EPN2: variants seen among roughly 807,000 people sequenced by gnomAD.
The protein encoded by EPN2 is epsin-2.
Under a neutral mutation model 61.7 loss-of-function variants are expected in EPN2, and 34 were observed. The ratio of observed to expected loss-of-function variants is 0.55; its 90% CI spans 0.42 to 0.73. EPN2 has a LOEUF of 0.73. Ranked by LOEUF, EPN2 falls within the 30% of genes least tolerant of loss-of-function variation. EPN2 has a pLI of 0.00. For missense variants in EPN2, 714 were observed against 839.2 expected, an observed-to-expected ratio of 0.85 and a Z score of 1.84; for synonymous variants, 349 against 353.6, an observed-to-expected ratio of 0.99 and a Z score of 0.15.
intron 1 of EPN2, among the ~76,000 whole-genome samples, chr17:19,257,550 T>C (rs1321792981): frequency 6.6e-6 from 1 of 151,194 alleles, no homozygotes; most frequent in Non-Finnish European, 1.5e-5. Flanking sequence ...CACGGGGTCT[T>C]GCTGTCACCC....
chr17:19,326,422 C>G (rs1398297541), intron 7 of EPN2, among the ~76,000 whole-genome samples: 1 of 152,128 alleles, frequency 6.6e-6, no homozygotes, highest in African/African-American at 2.4e-5. Flanking sequence ...CGTGGTGGCT[C>G]ACGCCTGTAA....
In EPN2 at chr17:19,259,308, C is replaced by CTTT. The variant is rs776768357; in HGVS notation, c.-294+21797_-294+21799dup. ...ATCTGGCATCTTTTGAGTGTTGGGT[C>CTTT]TTTTTTTTTTTTTTTTTTTTTTGAG... On this transcript the variant is annotated intron_variant, in intron 1 of 10. Coordinates refer to ENST00000314728, the MANE Select transcript of EPN2 (RefSeq NM_014964.5). Among the ~76,000 whole-genome samples the CTTT allele has an allele frequency of 5.1e-3, 490 of 96,134 alleles. 8 individuals carry two copies. The highest frequency in any genetic ancestry group is 0.014 in the African/African-American group (305 of 21,674). The allele number at this position is 96,134 out of a possible 152,430, so 63.1% of individuals were successfully genotyped here.
At chr17:19,270,752 C>T (rs1048495518) in intron 1 of EPN2, among the ~76,000 whole-genome samples, 3 of 152,220 alleles carry the variant, frequency 2.0e-5, no homozygotes, top group Non-Finnish European at 2.9e-5. Flanking sequence ...CATATTTCAG[C>T]CCTAGGCTGC....
At position 19,285,663 on chromosome 17, in the gene EPN2, G is replaced by A. The variant is rs369670723; in HGVS notation, c.639G>A (p.Pro213=). The A allele has an allele frequency of 1.3e-6, 2 of 1,571,166 alleles. No individual in the cohort carries two copies. The highest frequency in any genetic ancestry group is 1.7e-6 in the Non-Finnish European group (2 of 1,159,308). ...GCCCCCAGCACCGCACAGGGGCCCCGCTGGGTCAGAGTGAGGAGCTGCAGC... is the reference window on the plus strand; with the variant it reads ...GCCCCCAGCACCGCACAGGGGCCCCACTGGGTCAGAGTGAGGAGCTGCAGC... ...SLCPQHRTGA[P]LGQSEELQPL... is the part of the protein sequence containing the mutation. The change falls in exon 4 of 11, where the codon CCG becomes CCA. Residue 213 remains proline, a synonymous_variant. Transcript: ENST00000314728. This position sits in a 1 kb window ranked among gnomAD's most constrained non-coding sequence, Gnocchi z 4.5.
At chr17:19,322,302 G>C (rs1906675817) in intron 7 of EPN2, among the ~76,000 whole-genome samples, 1 of 152,212 alleles carries the variant, frequency 6.6e-6, no homozygotes, top group Admixed American at 6.5e-5. Flanking sequence ...AAAGCTTGCA[G>C]ATTGACATCT....
At chr17:19,289,424 T>G (rs2045438285) in intron 4 of EPN2, among the ~76,000 whole-genome samples, 1 of 151,962 alleles carries the variant, frequency 6.6e-6, no homozygotes, top group Admixed American at 6.6e-5. Context: ...CAGACCTTGC[T>G]AGAGGACTGG....
chr17:19,335,586 T>G lies in EPN2; in HGVS notation c.*1332T>G. On this transcript the variant is annotated 3_prime_UTR_variant, in exon 11 of 11. Transcript: ENST00000314728. ...TGGGGGGTGCTTCTGTGCCCACGGG[T>G]CCCTGGGCAACAGTCCCTAGGCTAA... is the stretch of plus-strand genomic sequence containing the variant. 2.8e-5 allele frequency: 25 copies of G among 905,096 alleles called. No homozygotes were observed. Among genetic ancestry groups the G allele is most frequent in the African/African-American group, 5.1e-5 (3 of 59,220 alleles). The allele number at this position is 905,096 out of a possible 1,614,324, so 56.1% of individuals were successfully genotyped here.
chr17:19,266,425 C>T (rs1329701198), intron 1 of EPN2, among the ~76,000 whole-genome samples: 39 of 148,866 alleles, frequency 2.6e-4, no homozygotes, highest in African/African-American at 9.2e-4. Flanking sequence ...TTTTTTGAGA[C>T]GGAGTCTCGC....
At chr17:19,329,215 C>G (rs953927744) in intron 8 of EPN2, 16 of 428,210 alleles carry the variant, frequency 3.7e-5, no homozygotes, top group African/African-American at 3.0e-4. Flanking sequence ...CCAGGCACTC[C>G]TTCTGGTGAC....
rs542958262 is a variant in EPN2 at position 19,335,232 on chromosome 17, A to G, written c.*978A>G. On this transcript the variant is annotated 3_prime_UTR_variant, in exon 11 of 11. Transcript: ENST00000314728. Reference sequence around the variant, plus strand: ...CCTCCAGTTGCCTTTTCCTTTCTTTAGCTCCTGTTTTTGGTGAATTACTAA... The same window carrying G: ...CCTCCAGTTGCCTTTTCCTTTCTTTGGCTCCTGTTTTTGGTGAATTACTAA... The G allele has an allele frequency of 7.8e-6, 4 of 514,018 alleles. No individual in the cohort carries two copies. Among genetic ancestry groups the G allele is most frequent in the African/African-American group, 5.8e-5 (3 of 51,488 alleles). The allele number at this position is 514,018 out of a possible 1,614,324, so 31.8% of individuals were successfully genotyped here.
intron 1 of EPN2, among the ~76,000 whole-genome samples, chr17:19,259,572 A>G (rs910971868): frequency 6.6e-6 from 1 of 152,110 alleles, no homozygotes; most frequent in African/African-American, 2.4e-5. Context: ...TCGGCCTCCC[A>G]AAGTGCTGGG....
chr17:19,315,755 G>A (rs1391968041), intron 7 of EPN2, among the ~76,000 whole-genome samples: 2 of 152,174 alleles, frequency 1.3e-5, no homozygotes, highest in East Asian at 1.9e-4. Flanking sequence ...AAAGTGTTGG[G>A]ATTACAGGCA....
rs78135822 is a variant in EPN2, at chr17:19,313,007, A to G, written c.973-98A>G. On this transcript the variant is annotated intron_variant, in intron 6 of 10. Transcript: ENST00000314728. ...AGCCCCTCCTAGAGGGCTTCACTGGAGGAAGAGGCACAGGTGGGTGATATT... is the reference window on the plus strand; with the variant it reads ...AGCCCCTCCTAGAGGGCTTCACTGGGGGAAGAGGCACAGGTGGGTGATATT... 2.2e-4 allele frequency: 282 copies of G among 1,310,260 alleles called. 2 individuals carry two copies. In the East Asian group the frequency reaches 6.5e-3, roughly 30 times the overall value. The allele number at this position is 1,310,260 out of a possible 1,614,324, so 81.2% of individuals were successfully genotyped here. A position where few individuals can be genotyped will look rare whatever the true frequency, so the allele number is the denominator to read the frequency against.
rs982050528 is a variant in EPN2 at position 19,279,228 on chromosome 17, C to T, written c.-293-2727C>T. Among the ~76,000 whole-genome samples, 7 of 152,088 alleles carry T rather than the reference C, an allele frequency of 4.6e-5. No homozygotes were observed. In the East Asian group the frequency reaches 9.6e-4, roughly 21 times the overall value. Reference sequence around the variant, plus strand: ...TCCCAGCTTATGTCTGGGAGGGCAGCGGCACCTTGGCCCTTGCTCACAGGA... The same window carrying T: ...TCCCAGCTTATGTCTGGGAGGGCAGTGGCACCTTGGCCCTTGCTCACAGGA... On this transcript the variant is annotated intron_variant, in intron 1 of 10. Coordinates refer to ENST00000314728, the MANE Select transcript of EPN2 (RefSeq NM_014964.5).
At chr17:19,321,822 C>A (rs1238273750) in intron 7 of EPN2, among the ~76,000 whole-genome samples, 1 of 152,134 alleles carries the variant, frequency 6.6e-6, no homozygotes, top group East Asian at 1.9e-4. Flanking sequence ...CCAGGTCTCC[C>A]GTGTCCTCTG....
At chr17:19,328,541 G>A (rs536048948) in intron 7 of EPN2, among the ~76,000 whole-genome samples, 170 bp from the exon 8 acceptor site, 2 of 152,194 alleles carry the variant, frequency 1.3e-5, no homozygotes, top group South Asian at 4.1e-4. Flanking sequence ...TTGGCCCTGG[G>A]CCCCAGCTGT....
At chr17:19,325,786 G>A (rs1233473576) in intron 7 of EPN2, among the ~76,000 whole-genome samples, 1 of 152,104 alleles carries the variant, frequency 6.6e-6, no homozygotes, top group African/African-American at 2.4e-5. Flanking sequence ...ACACTAAATA[G>A]TCATCATTTG....
At chr17:19,295,121 T>C (rs1481458417) in intron 4 of EPN2, among the ~76,000 whole-genome samples, 1 of 152,190 alleles carries the variant, frequency 6.6e-6, no homozygotes, top group Non-Finnish European at 1.5e-5. Flanking sequence ...TGCTTTGTTT[T>C]GTCTCCCTGC....
chr17:19,329,530 C>T (rs1907059149), intron 8 of EPN2, 31 bp from the exon 9 acceptor site: 1 of 1,421,892 alleles, frequency 7.0e-7, no homozygotes, highest in Non-Finnish European at 9.9e-7. Flanking sequence ...CTGTGAGATG[C>T]CCCCAGTCAT....
Sources: gnomAD v4.1 joint callset for allele counts (sites outside exome capture counted in the v4.1 genomes callset) on GRCh38, gnomAD v4.1.1 for gene constraint, Gnocchi (gnomAD v3.1) non-coding constraint, MANE v1.5 for transcripts, NCBI Gene and HGNC (gene_info 2026-07-23, HGNC 2026-07-21) for gene names.